RFTN2: variants seen among roughly 807,000 people sequenced by gnomAD.
The protein encoded by RFTN2 is raftlin family member 2.
Under a neutral mutation model 52.7 loss-of-function variants are expected in RFTN2, and 34 were observed. The ratio of observed to expected loss-of-function variants is 0.64; its 90% CI spans 0.49 to 0.86. The LOEUF (loss-of-function observed/expected upper bound fraction) is 0.86, where lower values mean the gene tolerates loss of function less well. RFTN2 is among the 40% of genes least tolerant of loss of function. The pLI is 0.00. For missense variants in RFTN2, 536 were observed against 600.1 expected, an observed-to-expected ratio of 0.89 and a Z score of 1.12; for synonymous variants, 203 against 217.7, an observed-to-expected ratio of 0.93 and a Z score of 0.59.
At chr2:197,634,025 A>T in intron 3 of RFTN2, 28 bp from the exon 4 acceptor site, 4 of 1,572,532 alleles carry the variant, frequency 2.5e-6, no homozygotes, top group Non-Finnish European at 3.5e-6. Flanking sequence ...ATGGCAGAAC[A>T]AAATGTAAAC....
At chr2:197,657,650 G>C (rs2088912532) in intron 1 of RFTN2, among the ~76,000 whole-genome samples, 1 of 147,978 alleles carries the variant, frequency 6.8e-6, no homozygotes, top group East Asian at 2.0e-4. Context: ...TTCCTCATTT[G>C]TAGGGATGGG....
chr2:197,632,644 G>C (rs948356437), intron 4 of RFTN2, among the ~76,000 whole-genome samples: 1 of 152,150 alleles, frequency 6.6e-6, no homozygotes, highest in East Asian at 1.9e-4. Flanking sequence ...AAAAATCAGG[G>C]ACATTGTTAG....
intron 1 of RFTN2, among the ~76,000 whole-genome samples, chr2:197,656,672 A>G (rs958165221): frequency 1.3e-5 from 2 of 152,204 alleles, no homozygotes; most frequent in Non-Finnish European, 2.9e-5. Flanking sequence ...TTCCAAAAAT[A>G]TGGCCTCGTT....
Position 197,571,667 on chromosome 2 carries a change from C to T in RFTN2, c.*341G>A, listed in dbSNP as rs547819396. 33 of 240,648 alleles carry T rather than the reference C, an allele frequency of 1.4e-4. No homozygotes were observed. The East Asian group carries it at 3.1e-3, about 23-fold the overall frequency. 14.9% of individuals were successfully genotyped at this position (240,648 alleles called of 1,614,324 possible). A position where few individuals can be genotyped will look rare whatever the true frequency, so the allele number is the denominator to read the frequency against. On this transcript the variant is annotated 3_prime_UTR_variant, in exon 9 of 9. Coordinates refer to ENST00000295049, the MANE Select transcript of RFTN2 (RefSeq NM_144629.3). ...GAACTCTCTCTAATTGGGTAAAATACTGATTGAGATATTCAGTCTCCTTAC... is the reference window on the plus strand; with the variant it reads ...GAACTCTCTCTAATTGGGTAAAATATTGATTGAGATATTCAGTCTCCTTAC...
At chr2:197,582,559 G>GC (rs970017159) in intron 8 of RFTN2, among the ~76,000 whole-genome samples, 2 of 152,078 alleles carry the variant, frequency 1.3e-5, no homozygotes, top group Non-Finnish European at 2.9e-5. Context: ...CTACCACTCT[G>GC]CCCCCCTCCA....
intron 3 of RFTN2, among the ~76,000 whole-genome samples, chr2:197,641,122 G>A (rs1333546303): frequency 6.6e-6 from 1 of 152,188 alleles, no homozygotes; most frequent in Non-Finnish European, 1.5e-5. Flanking sequence ...TATGATGGAG[G>A]TTGCAAATGC....
At chr2:197,650,604 C>T (rs186923672) in intron 1 of RFTN2, among the ~76,000 whole-genome samples, 48 of 152,272 alleles carry the variant, frequency 3.2e-4, no homozygotes, top group Admixed American at 6.5e-4. Context: ...GGTTCATCCA[C>T]GCTGTAGCAT....
intron 5 of RFTN2, among the ~76,000 whole-genome samples, chr2:197,625,459 C>T (rs1337470582): frequency 3.3e-5 from 5 of 152,060 alleles, no homozygotes; most frequent in African/African-American, 4.8e-5. Flanking sequence ...TATTCAACTG[C>T]CCAGAGGTGG....
rs1213675068 is a variant in RFTN2, at chr2:197,568,270, T to G, written c.*3738A>C. 1 of 152,232 alleles carries G rather than the reference T, an allele frequency of 6.6e-6. No individual in the cohort carries two copies. The highest frequency in any genetic ancestry group is 1.9e-4 in the East Asian group (1 of 5,200). 9.4% of individuals were successfully genotyped at this position (152,232 alleles called of 1,614,324 possible). A position where few individuals can be genotyped will look rare whatever the true frequency, so the allele number is the denominator to read the frequency against. On this transcript the variant is annotated 3_prime_UTR_variant, in exon 9 of 9. Transcript: ENST00000295049. ...TCATTTATTCCATTGATTTAATTAC[T>G]TGGTATTTTTACATACAAAAATTTG...
At chr2:197,574,607 C>T (rs2087381700) in intron 8 of RFTN2, among the ~76,000 whole-genome samples, 1 of 152,286 alleles carries the variant, frequency 6.6e-6, no homozygotes, top group Non-Finnish European at 1.5e-5. Flanking sequence ...GTGGCTTACA[C>T]CTGTAATCCC....
chr2:197,641,899 C>T (rs2088680518), intron 3 of RFTN2, among the ~76,000 whole-genome samples: 1 of 152,164 alleles, frequency 6.6e-6, no homozygotes. Flanking sequence ...AATAACAGTA[C>T]TTTCCTGTTT....
At chr2:197,580,094 C>T (rs556749010) in intron 8 of RFTN2, among the ~76,000 whole-genome samples, 30 of 152,226 alleles carry the variant, frequency 2.0e-4, no homozygotes, top group African/African-American at 5.8e-4. Flanking sequence ...GATGCTTTAC[C>T]GCCCTAGACC....
At chr2:197,608,695 CA>C (rs2088003358) in intron 7 of RFTN2, among the ~76,000 whole-genome samples, 1 of 144,900 alleles carries the variant, frequency 6.9e-6, no homozygotes, top group Admixed American at 7.1e-5. Flanking sequence ...AGGTTTGTTA[CA>C]CAGGTATAAG....
intron 1 of RFTN2, among the ~76,000 whole-genome samples, chr2:197,651,784 A>G (rs970603809): frequency 2.0e-5 from 3 of 152,208 alleles, no homozygotes; most frequent in Non-Finnish European, 4.4e-5. Context: ...TTAAAAAGGC[A>G]TATACTTTCT....
At chr2:197,594,854 T>A (rs901944523) in intron 8 of RFTN2, among the ~76,000 whole-genome samples, 1 of 152,260 alleles carries the variant, frequency 6.6e-6, no homozygotes, top group Non-Finnish European at 1.5e-5. Context: ...CAATTTAGCA[T>A]GACTGTATTA....
At chr2:197,592,814 G>A (rs1366536743) in intron 8 of RFTN2, among the ~76,000 whole-genome samples, 3 of 152,112 alleles carry the variant, frequency 2.0e-5, no homozygotes, top group Non-Finnish European at 4.4e-5. Flanking sequence ...ATATGAGATA[G>A]CTAAATTAAC....
chr2:197,599,788 C>G (rs1257662404), intron 7 of RFTN2, among the ~76,000 whole-genome samples: 2 of 152,150 alleles, frequency 1.3e-5, no homozygotes, highest in Non-Finnish European at 2.9e-5. Flanking sequence ...CAAACCTATC[C>G]CTCCTGTGGT....
intron 7 of RFTN2, among the ~76,000 whole-genome samples, chr2:197,608,956 A>T (rs1182573115): frequency 6.6e-6 from 1 of 152,190 alleles, no homozygotes; most frequent in Non-Finnish European, 1.5e-5. Context: ...TGCAAAGGAC[A>T]TGAACTCATC....
intron 1 of RFTN2, among the ~76,000 whole-genome samples, chr2:197,651,312 T>C (rs1321711833): frequency 1.3e-5 from 2 of 152,176 alleles, no homozygotes; most frequent in Non-Finnish European, 2.9e-5. Flanking sequence ...TGTGCTTTGG[T>C]GTCATATCCA....
Sources: allele counts gnomAD v4.1 joint callset (sites outside exome capture counted in the v4.1 genomes callset), GRCh38; gene constraint gnomAD v4.1.1; transcripts MANE v1.5; gene names NCBI Gene and HGNC (gene_info 2026-07-23, HGNC 2026-07-21).